HMCN2: variants seen among roughly 807,000 people sequenced by gnomAD.
HMCN2 encodes hemicentin 2, also known as hemicentin-2.
In HMCN2, 325 loss-of-function variants were observed where a neutral mutation model predicts 377.5. That is an observed-to-expected ratio of 0.86 (90% CI 0.79 to 0.94). HMCN2 has a LOEUF of 0.94. Ranked by LOEUF, HMCN2 falls within the 40% of genes least tolerant of loss-of-function variation. HMCN2 has a pLI of 0.00. For synonymous variants in HMCN2, 2,007 were observed against 2,046.8 expected, an observed-to-expected ratio of 0.98 and a Z score of 0.53; for missense variants, 4,543 against 4,725.3, an observed-to-expected ratio of 0.96 and a Z score of 1.13.
rs1469072001 is a variant in HMCN2 at position 130,396,083 on chromosome 9, CACCCCACCCTGCCCACCTT to C, written c.11053+36_11054-50del. The C allele has an allele frequency of 1.2e-5, 15 of 1,244,566 alleles. No homozygotes were observed. Among genetic ancestry groups the C allele is most frequent in the Admixed American group, 1.2e-4 (5 of 42,064 alleles). 77.1% of individuals were successfully genotyped at this position (1,244,566 alleles called of 1,614,324 possible). On this transcript the variant is annotated intron_variant, in intron 72 of 97. Coordinates refer to ENST00000683500, the MANE Select transcript of HMCN2 (RefSeq NM_001291815.2). ...GATCCACAGTGAGTAGGGCCCGCCC[CACCCCACCCTGCCCACCTT>C]ACCCCACCCTGCCCACCCCCTTAGA...
chr9:130,397,645 A>T lies in HMCN2; in HGVS notation c.11316A>T (p.Leu3772=). The change falls in exon 74 of 98, where the codon CTA becomes CTT. Residue 3772 remains leucine (L), a synonymous_variant. Coordinates refer to ENST00000683500, the MANE Select transcript of HMCN2 (RefSeq NM_001291815.2). ...GCTCCGATCGTCAAGGCCGTGACCTACGGGTCTTGGGTAGGTGGCCTGGGG... is the reference window on the plus strand; with the variant it reads ...GCTCCGATCGTCAAGGCCGTGACCTTCGGGTCTTGGGTAGGTGGCCTGGGG... The part of the protein sequence containing the change: ...SAGSDRQGRD[L]RVLEPPAIAP... 1 of 1,289,762 alleles carries T rather than the reference A, an allele frequency of 7.8e-7. No individual in the cohort carries two copies. Among genetic ancestry groups the T allele is most frequent in the Non-Finnish European group, 1.0e-6 (1 of 988,854 alleles). 79.9% of individuals were successfully genotyped at this position (1,289,762 alleles called of 1,614,324 possible). A position where few individuals can be genotyped will look rare whatever the true frequency, so the allele number is the denominator to read the frequency against.
At position 130,377,737 on chromosome 9, in the gene HMCN2, AC is replaced by A; in HGVS notation, c.8152del (p.Leu2718CysfsTer131). 1.0e-6 allele frequency: 1 copy of A among 985,888 alleles called. No individual in the cohort carries two copies. The highest frequency in any genetic ancestry group is 1.2e-6 in the Non-Finnish European group (1 of 829,958). 61.1% of individuals were successfully genotyped at this position (985,888 alleles called of 1,614,324 possible). A position where few individuals can be genotyped will look rare whatever the true frequency, so the allele number is the denominator to read the frequency against. On this transcript the variant is annotated frameshift_variant, in exon 53 of 98. Coordinates refer to ENST00000683500, the MANE Select transcript of HMCN2 (RefSeq NM_001291815.2). LOFTEE classifies it high-confidence loss of function. ...ACACAGGTCTCAGACTCGGGGCGGT[AC>A]CTGTGTGTGGCCACCAATGTGGCTG... ...QPTQVSDSGR[Y>X]LCVATNVAGE... is the part of the protein sequence containing the mutation.
Position 130,393,384 on chromosome 9 carries a change from C to T in HMCN2, c.10234+75C>T. 3.2e-6 allele frequency: 3 copies of T among 933,336 alleles called. No individual in the cohort carries two copies. Among genetic ancestry groups the T allele is most frequent in the South Asian group, 4.8e-5 (1 of 20,942 alleles). 57.8% of individuals were successfully genotyped at this position (933,336 alleles called of 1,614,324 possible). A position where few individuals can be genotyped will look rare whatever the true frequency, so the allele number is the denominator to read the frequency against. ...AATCAAGGCCCTTGGCCCCCCTGCC[C>T]TTCTGGGTGGAACCAAGGATGGGCC... On this transcript the variant is annotated intron_variant, in intron 67 of 97. Transcript: ENST00000683500. The surrounding 1 kb of genome is among the most constrained non-coding windows in gnomAD (Gnocchi z 5.2).
At position 130,430,573 on chromosome 9, in the gene HMCN2, T is replaced by C. The variant is rs1197713311; in HGVS notation, c.14616T>C (p.Pro4872=). 3.9e-5 allele frequency: 61 copies of C among 1,550,300 alleles called. No homozygotes were observed. The highest frequency in any genetic ancestry group is 5.1e-5 in the Non-Finnish European group (59 of 1,146,828). ...LSSVGRAWCP[P]GFIRQNGVCT... is the part of the protein sequence containing the mutation. ...GTGTGGGCCGGGCCTGGTGCCCTCC[T>C]GGTTTCATCAGGCAGAACGGAGTCT... The change falls in exon 95 of 98, where the codon CCT becomes CCC. Residue 4872 remains proline (P), a synonymous_variant. Coordinates refer to ENST00000683500, the MANE Select transcript of HMCN2 (RefSeq NM_001291815.2).
intron 12 of HMCN2, 140 bp downstream of exon 12, chr9:130,306,410 C>T: frequency 5.2e-6 from 2 of 386,342 alleles, no homozygotes; most frequent in Non-Finnish European, 1.1e-5. Context: ...ATTTGAGACT[C>T]CAGAGTGAGA....
chr9:130,375,243 C>A (rs562723445), intron 49 of HMCN2, among the ~76,000 whole-genome samples: 4 of 152,332 alleles, frequency 2.6e-5, no homozygotes, highest in South Asian at 2.1e-4. Flanking sequence ...CCCACTCCCC[C>A]CTCAAACAGA....
At position 130,381,928 on chromosome 9, in the gene HMCN2, G is replaced by A. The variant is rs112130691; in HGVS notation, c.8432-256G>A. ...TCTGTAAGATGGGAGTGACAACAGC[G>A]TGTGCCCCACAGAGGCACTGTGGGA... On this transcript the variant is annotated intron_variant, in intron 54 of 97. Transcript: ENST00000683500. Among the ~76,000 whole-genome samples the A allele has an allele frequency of 2.0e-4, 31 of 152,270 alleles. No individual in the cohort carries two copies. The East Asian group carries it at 2.3e-3, about 11-fold the overall frequency.
intron 62 of HMCN2, 119 bp from the exon 63 acceptor site, chr9:130,390,858 C>T: frequency 1.6e-6 from 1 of 618,854 alleles, no homozygotes; most frequent in South Asian, 7.1e-5. Flanking sequence ...TTCTAAGGAA[C>T]AGAGACTGGG....
intron 8 of HMCN2, among the ~76,000 whole-genome samples, chr9:130,300,876 T>A (rs1458841107): frequency 1.3e-5 from 2 of 152,250 alleles, no homozygotes; most frequent in East Asian, 1.9e-4. Flanking sequence ...CAGGGATGTC[T>A]AGGGCCACTG....
At chr9:130,366,933 C>G (rs961700921) in intron 43 of HMCN2, among the ~76,000 whole-genome samples, 2 of 151,894 alleles carry the variant, frequency 1.3e-5, no homozygotes, top group Non-Finnish European at 2.9e-5. Flanking sequence ...AGCTAGGAAG[C>G]GGGAAAGATG....
chr9:130,299,414 G>T, intron 8 of HMCN2, 126 bp downstream of exon 8: 1 of 359,332 alleles, frequency 2.8e-6, no homozygotes. Flanking sequence ...AAGCTTCTAT[G>T]GACAGCTATT....
intron 7 of HMCN2, among the ~76,000 whole-genome samples, chr9:130,297,324 G>C (rs888276676): frequency 6.6e-6 from 1 of 152,138 alleles, no homozygotes; most frequent in South Asian, 2.1e-4. Flanking sequence ...GATATTGAGG[G>C]TGGAGGCACA....
intron 22 of HMCN2, among the ~76,000 whole-genome samples, chr9:130,336,887 A>G (rs986134102): frequency 1.3e-5 from 2 of 152,062 alleles, no homozygotes; most frequent in African/African-American, 4.8e-5. Context: ...TAAGAATTCT[A>G]TAAGGGGCTC....
Position 130,357,960 on chromosome 9 carries a change from C to T in HMCN2, c.5552C>T (p.Ala1851Val), listed in dbSNP as rs1840139255. 3 of 1,304,120 alleles carry T rather than the reference C, an allele frequency of 2.3e-6. No individual in the cohort carries two copies. Among genetic ancestry groups the T allele is most frequent in the Non-Finnish European group, 3.0e-6 (3 of 988,876 alleles). The allele number at this position is 1,304,120 out of a possible 1,614,324, so 80.8% of individuals were successfully genotyped here. A position where few individuals can be genotyped will look rare whatever the true frequency, so the allele number is the denominator to read the frequency against. Residue 1851 changes from alanine (A) to valine (V), a missense_variant, in exon 35 of 98, where the codon GCC (alanine) becomes GTC (valine). By Grantham distance (64) the Ala-to-Val change is moderately conservative. This residue lies in a region of HMCN2 where 1,032 missense variants were observed against 1,285.1 expected (regional missense o/e 0.80). Coordinates refer to ENST00000683500, the MANE Select transcript of HMCN2 (RefSeq NM_001291815.2). ...CTCCGTTGGTGGAAGGATGGTGTAG[C>T]CCTGGCAGCCTTTGGGGGGAACCTA... ...PSLRWWKDGV[A>V]LAAFGGNLQI...
chr9:130,364,052 T>C (rs774405717), intron 40 of HMCN2, among the ~76,000 whole-genome samples: 1 of 152,050 alleles, frequency 6.6e-6, no homozygotes, highest in Non-Finnish European at 1.5e-5. Flanking sequence ...GGCGGGAGGT[T>C]ATAGGAAGGA....
rs1377825052 is a variant in HMCN2 at position 130,394,611 on chromosome 9, T to C, written c.10692+36T>C. 2.4e-6 allele frequency: 3 copies of C among 1,252,154 alleles called. No homozygotes were observed. Among genetic ancestry groups the C allele is most frequent in the South Asian group, 1.3e-5 (1 of 75,108 alleles). The allele number at this position is 1,252,154 out of a possible 1,614,324, so 77.6% of individuals were successfully genotyped here. A position where few individuals can be genotyped will look rare whatever the true frequency, so the allele number is the denominator to read the frequency against. On this transcript the variant is annotated intron_variant, in intron 69 of 97. Coordinates refer to ENST00000683500, the MANE Select transcript of HMCN2 (RefSeq NM_001291815.2). This position sits in a 1 kb window ranked among gnomAD's most constrained non-coding sequence, Gnocchi z 5.1. ...CGCCGCCATGGGGCGAGGCTGGGGG[T>C]TGGGGGAGAGGGGAGGGACTGCAGG...
At chr9:130,295,948 C>T (rs1311210175) in intron 6 of HMCN2, among the ~76,000 whole-genome samples, 176 bp downstream of exon 6, 1 of 152,178 alleles carries the variant, frequency 6.6e-6, no homozygotes, top group Non-Finnish European at 1.5e-5. Flanking sequence ...GGCATTTTGC[C>T]TTGTACCAGT....
intron 4 of HMCN2, among the ~76,000 whole-genome samples, chr9:130,291,618 T>G (rs1310198576): frequency 1.3e-5 from 2 of 152,238 alleles, no homozygotes; most frequent in African/African-American, 4.8e-5. Flanking sequence ...ATTCAACAAT[T>G]GTTAACATTT....
chr9:130,360,353 C>T lies in HMCN2; in HGVS notation c.5774-75C>T. 7.3e-6 allele frequency: 6 copies of T among 816,664 alleles called. No homozygotes were observed. Among genetic ancestry groups the T allele is most frequent in the Non-Finnish European group, 9.6e-6 (6 of 625,938 alleles). 50.6% of individuals were successfully genotyped at this position (816,664 alleles called of 1,614,324 possible). Reference sequence around the variant, plus strand: ...TTCCCCCTTGCATCTCTCTTCCTTTCCCCCTTACTTCTCTCTTCCATTCCC... The same window carrying T: ...TTCCCCCTTGCATCTCTCTTCCTTTTCCCCTTACTTCTCTCTTCCATTCCC... On this transcript the variant is annotated intron_variant, in intron 37 of 97. Coordinates refer to ENST00000683500, the MANE Select transcript of HMCN2 (RefSeq NM_001291815.2). This position sits in a 1 kb window ranked among gnomAD's most constrained non-coding sequence, Gnocchi z 4.7.
Sources: gnomAD v4.1 joint callset for allele counts (sites outside exome capture counted in the v4.1 genomes callset) on GRCh38, gnomAD v4.1.1 for gene constraint, gnomAD v4.1.1 regional missense constraint, Gnocchi (gnomAD v3.1) non-coding constraint, MANE v1.5 for transcripts, NCBI Gene and HGNC (gene_info 2026-07-23, HGNC 2026-07-21) for gene names.